PACRG: variants seen among roughly 807,000 people sequenced by gnomAD.
PACRG encodes parkin coregulated.
PACRG carries 29 observed loss-of-function variants against 29.7 expected under a neutral mutation model. The observed-to-expected ratio is 0.98, with a 90% CI of 0.73 to 1.33. The LOEUF is 1.33. PACRG is among the 40% of genes most tolerant of loss of function. PACRG has a pLI of 0.00. For synonymous variants in PACRG, 116 were observed against 118.7 expected (o/e 0.98, Z 0.15); for missense variants, 279 against 316.2 (o/e 0.88, Z 0.89).
chr6:162,828,904 C>G (rs1034752805), intron 2 of PACRG, among the ~76,000 whole-genome samples: 6 of 152,036 alleles, frequency 3.9e-5, no homozygotes, highest in African/African-American at 9.7e-5. Flanking sequence ...TAACCCGACA[C>G]TAATGAATTA....
At chr6:163,199,069 T>A (rs1174643506) in intron 4 of PACRG, among the ~76,000 whole-genome samples, 1 of 152,204 alleles carries the variant, frequency 6.6e-6, no homozygotes, top group Non-Finnish European at 1.5e-5. Context: ...TCACTTTGAC[T>A]AGAATGGGAG....
intron 2 of PACRG, among the ~76,000 whole-genome samples, chr6:162,891,660 T>A (rs1252749802): frequency 6.6e-6 from 1 of 152,142 alleles, no homozygotes; most frequent in African/African-American, 2.4e-5. Flanking sequence ...GCCAATGGCC[T>A]AGCTATTTGG....
chr6:163,155,329 T>C (rs764569461), intron 4 of PACRG, among the ~76,000 whole-genome samples: 2 of 152,214 alleles, frequency 1.3e-5, no homozygotes, highest in Non-Finnish European at 2.9e-5. Context: ...GGGAGGGTCA[T>C]TCCAACTCAA....
At position 163,209,770 on chromosome 6, in the gene PACRG, C is replaced by T. The variant is rs1384174764; in HGVS notation, c.614-105057C>T. 7.9e-5 allele frequency among the ~76,000 whole-genome samples: 12 copies of T among 152,266 alleles called. No homozygotes were observed. The South Asian group carries it at 1.7e-3, about 21-fold the overall frequency. ...AAAGGAAATATCATATTGTAAATATCGTACTGTAAACTAACAACTGAAAAC... is the reference window on the plus strand; with the variant it reads ...AAAGGAAATATCATATTGTAAATATTGTACTGTAAACTAACAACTGAAAAC... On this transcript the variant is annotated intron_variant, in intron 4 of 4. Coordinates refer to ENST00000366888, the MANE Select transcript of PACRG (RefSeq NM_001080379.2).
At chr6:163,259,155 C>T (rs778248544) in intron 4 of PACRG, among the ~76,000 whole-genome samples, 2 of 152,182 alleles carry the variant, frequency 1.3e-5, no homozygotes, top group Admixed American at 1.3e-4. Context: ...ACAGACAGAA[C>T]TTGAACTCAG....
chr6:163,140,993 A>G (rs1425031031), intron 4 of PACRG, among the ~76,000 whole-genome samples: 2 of 152,200 alleles, frequency 1.3e-5, no homozygotes, highest in African/African-American at 2.4e-5. Flanking sequence ...CCAATTGAGA[A>G]AGATTAAATA....
At chr6:162,879,420 T>C (rs964856203) in intron 2 of PACRG, among the ~76,000 whole-genome samples, 29 of 152,336 alleles carry the variant, frequency 1.9e-4, no homozygotes, top group African/African-American at 6.3e-4. Flanking sequence ...TTTGGCCCAG[T>C]TGGCCTGGTA....
chr6:163,271,138 G>A (rs1037992159), intron 4 of PACRG, among the ~76,000 whole-genome samples: 2 of 152,132 alleles, frequency 1.3e-5, no homozygotes, highest in African/African-American at 4.8e-5. Flanking sequence ...ATGTTCTAGG[G>A]CAGGAAGCTT....
At chr6:163,070,329 T>G (rs1376198320) in intron 3 of PACRG, among the ~76,000 whole-genome samples, 1 of 151,794 alleles carries the variant, frequency 6.6e-6, no homozygotes, top group African/African-American at 2.4e-5. Context: ...GATGAACCAA[T>G]AAAAATAACT....
intron 4 of PACRG, among the ~76,000 whole-genome samples, chr6:163,206,285 A>G (rs1159416819): frequency 6.6e-6 from 1 of 152,206 alleles, no homozygotes. Context: ...AACACTCTTC[A>G]CAATAGCAAA....
chr6:162,957,274 A>T (rs1562777334), intron 2 of PACRG: 1 of 535,134 alleles, frequency 1.9e-6, no homozygotes. Context: ...CACTTTCACA[A>T]TGATTTTCTG....
intron 4 of PACRG, among the ~76,000 whole-genome samples, chr6:163,110,314 T>C (rs1217086900): frequency 6.6e-6 from 1 of 152,260 alleles, no homozygotes; most frequent in Non-Finnish European, 1.5e-5. Context: ...TATTTCATTA[T>C]TTTTACTGAA....
At chr6:163,008,199 C>G (rs1432334331) in intron 2 of PACRG, among the ~76,000 whole-genome samples, 1 of 152,156 alleles carries the variant, frequency 6.6e-6, no homozygotes, top group African/African-American at 2.4e-5. Flanking sequence ...TGCTCACTCT[C>G]TCTCACGCAC....
chr6:162,734,653 G>C (rs1323517261), intron 1 of PACRG, among the ~76,000 whole-genome samples: 10 of 152,046 alleles, frequency 6.6e-5, no homozygotes, highest in Admixed American at 6.6e-4. Flanking sequence ...AGAGTAGACT[G>C]TGTTTTTCCA....
intron 2 of PACRG, among the ~76,000 whole-genome samples, chr6:162,918,515 C>T (rs1260755489): frequency 6.6e-6 from 1 of 152,116 alleles, no homozygotes; most frequent in Non-Finnish European, 1.5e-5. Context: ...TTTCTGGCAC[C>T]AGCACAATGA....
At chr6:163,007,019 T>A (rs1805180409) in intron 2 of PACRG, among the ~76,000 whole-genome samples, 1 of 152,110 alleles carries the variant, frequency 6.6e-6, no homozygotes, top group Non-Finnish European at 1.5e-5. Flanking sequence ...TGTTAAAATC[T>A]TCTGTTGGGT....
chr6:162,904,880 G>T (rs1204067410), intron 2 of PACRG, among the ~76,000 whole-genome samples: 1 of 152,210 alleles, frequency 6.6e-6, no homozygotes, highest in Non-Finnish European at 1.5e-5. Context: ...TGAAGATTAG[G>T]CTTCTTTGAG....
intron 2 of PACRG, among the ~76,000 whole-genome samples, chr6:162,956,651 G>C (rs1800062332): frequency 1.3e-5 from 2 of 152,102 alleles, no homozygotes; most frequent in African/African-American, 4.8e-5. Flanking sequence ...CCTTGGCTTG[G>C]GGCAGCATTG....
intron 2 of PACRG, among the ~76,000 whole-genome samples, chr6:162,920,656 A>G (rs1312378361): frequency 1.3e-5 from 2 of 152,210 alleles, no homozygotes; most frequent in African/African-American, 2.4e-5. Context: ...ACTTCACTGT[A>G]TAAAAATTGT....
Sources: allele counts gnomAD v4.1 joint callset (sites outside exome capture counted in the v4.1 genomes callset), GRCh38; gene constraint gnomAD v4.1.1; transcripts MANE v1.5; gene names NCBI Gene and HGNC (gene_info 2026-07-23, HGNC 2026-07-21).